Variants in METTL15 observed in about 807,000 individuals in gnomAD.
METTL15 encodes the protein methyltransferase 15, mitochondrial 12S rRNA N4-cytidine, also known as 12S rRNA N(4)-cytidine methyltransferase METTL15.
Under a neutral mutation model 38.3 loss-of-function variants are expected in METTL15, and 34 were observed. That is an observed-to-expected ratio of 0.89 (90% CI 0.68 to 1.18). METTL15 has a LOEUF of 1.18. Among genes scored for constraint, METTL15 ranks in the 50% most tolerant of loss-of-function variants. The pLI is 0.00. For synonymous variants in METTL15, 162 were observed against 170.9 expected (o/e 0.95, Z 0.41); for missense variants, 438 against 498.4 (o/e 0.88, Z 1.15).
intron 3 of METTL15, among the ~76,000 whole-genome samples, chr11:28,166,425 G>A (rs1267836848): frequency 6.6e-6 from 1 of 152,146 alleles, no homozygotes. Context: ...CACAAGAAAT[G>A]TCATGGTAAA....
In METTL15 at chr11:28,438,659, T is replaced by G. The variant is rs187681585; in HGVS notation, c.*424+14295T>G. Among the ~76,000 whole-genome samples the G allele has an allele frequency of 3.8e-3, 578 of 150,356 alleles. 2 individuals are homozygous for G. Among genetic ancestry groups the G allele is most frequent in the African/African-American group, 0.013 (539 of 40,904 alleles). On this transcript the variant is annotated intron_variant and NMD_transcript_variant, in intron 6 of 7. Transcript: ENST00000532947. ...GTCTATAGATCACGCTTTTTTTTTCTTTTTTCTTTTTTCTTTTTTTTTTTT... is the reference window on the plus strand; with the variant it reads ...GTCTATAGATCACGCTTTTTTTTTCGTTTTTCTTTTTTCTTTTTTTTTTTT...
intron 4 of METTL15, among the ~76,000 whole-genome samples, chr11:28,213,574 G>A (rs1303299773): frequency 6.7e-6 from 1 of 149,096 alleles, no homozygotes; most frequent in Non-Finnish European, 1.5e-5. Flanking sequence ...AAATTAGAAG[G>A]TAACTGACCC....
chr11:28,382,012 A>G (rs952063726), intron 5 of METTL15, among the ~76,000 whole-genome samples: 1 of 151,680 alleles, frequency 6.6e-6, no homozygotes, highest in African/African-American at 2.4e-5. Flanking sequence ...TTTTTATTGG[A>G]TATACTTGCT....
At chr11:28,301,929 G>C (rs1322854946) in intron 6 of METTL15, among the ~76,000 whole-genome samples, 1 of 151,910 alleles carries the variant, frequency 6.6e-6, no homozygotes, top group Non-Finnish European at 1.5e-5. Flanking sequence ...TTTTTTAAGT[G>C]ACAGGGTCTC....
At chr11:28,194,657 A>G (rs1033563817) in intron 3 of METTL15, among the ~76,000 whole-genome samples, 1 of 152,086 alleles carries the variant, frequency 6.6e-6, no homozygotes, top group Non-Finnish European at 1.5e-5. Flanking sequence ...AGATTATTTT[A>G]TTTTTAAATT....
intron 6 of METTL15, among the ~76,000 whole-genome samples, chr11:28,426,366 T>C (rs1850864146): frequency 6.6e-6 from 1 of 152,150 alleles, no homozygotes; most frequent in South Asian, 2.1e-4. Context: ...TTTGATTCCA[T>C]ATCTTTGCTA....
intron 4 of METTL15, among the ~76,000 whole-genome samples, chr11:28,276,716 G>T (rs1855855946): frequency 6.6e-6 from 1 of 152,016 alleles, no homozygotes; most frequent in Non-Finnish European, 1.5e-5. Flanking sequence ...GCCTGGTATT[G>T]GTATAAAAAT....
chr11:28,199,202 G>A (rs2133816905), intron 3 of METTL15, among the ~76,000 whole-genome samples: 1 of 152,152 alleles, frequency 6.6e-6, no homozygotes, highest in African/African-American at 2.4e-5. Flanking sequence ...ATGAATCAAT[G>A]TTTTTGATTA....
intron 4 of METTL15, among the ~76,000 whole-genome samples, chr11:28,236,454 G>T (rs1238902650): frequency 6.6e-6 from 1 of 152,074 alleles, no homozygotes; most frequent in African/African-American, 2.4e-5. Context: ...TTTTTGGTTG[G>T]TAAGCTATTG....
chr11:28,293,990 T>C (rs1856630610), intron 5 of METTL15, among the ~76,000 whole-genome samples: 1 of 152,214 alleles, frequency 6.6e-6, no homozygotes, highest in African/African-American at 2.4e-5. Context: ...TATACAATCA[T>C]GTCATCTGCA....
intron 6 of METTL15, among the ~76,000 whole-genome samples, chr11:28,505,293 A>C (rs962498221): frequency 4.6e-5 from 7 of 152,216 alleles, no homozygotes; most frequent in African/African-American, 1.7e-4. Flanking sequence ...ACTCACCAAC[A>C]AACTTTTCAG....
At chr11:28,405,825 G>A (rs1850668709) in intron 5 of METTL15, among the ~76,000 whole-genome samples, 1 of 152,062 alleles carries the variant, frequency 6.6e-6, no homozygotes, top group Non-Finnish European at 1.5e-5. Flanking sequence ...ATTTTATGAA[G>A]GATTATTGCT....
intron 6 of METTL15, among the ~76,000 whole-genome samples, chr11:28,311,778 C>G (rs564591975): frequency 3.3e-5 from 5 of 152,296 alleles, no homozygotes; most frequent in Non-Finnish European, 7.4e-5. Context: ...TTATTTTTAA[C>G]CTTTGTTGAA....
chr11:28,397,769 G>A (rs1339787242), intron 5 of METTL15, among the ~76,000 whole-genome samples: 1 of 152,028 alleles, frequency 6.6e-6, no homozygotes, highest in Non-Finnish European at 1.5e-5. Context: ...AAATCATGCT[G>A]CTATAAAGAC....
rs148868019 is a variant in METTL15 at position 28,438,966 on chromosome 11, C to T, written c.*424+14602C>T. Among the ~76,000 whole-genome samples, 57 of 151,716 alleles carry T rather than the reference C, an allele frequency of 3.8e-4. 1 individual carries two copies. Among genetic ancestry groups the T allele is most frequent in the East Asian group, 2.0e-4 (1 of 5,126 alleles). ...TGCTGGGATTACAAGCGTGAGCCAC[C>T]GCGCCCAGCCAGACCACATTTTTAA... is the stretch of plus-strand genomic sequence containing the variant. On this transcript the variant is annotated intron_variant and NMD_transcript_variant, in intron 6 of 7. Coordinates refer to the METTL15 transcript ENST00000532947.
intron 4 of METTL15, among the ~76,000 whole-genome samples, chr11:28,238,043 G>A (rs1202048474): frequency 1.3e-5 from 2 of 152,198 alleles, no homozygotes; most frequent in South Asian, 2.1e-4. Flanking sequence ...TAGGCTGCTC[G>A]GGGGTCAGGG....
chr11:28,199,528 C>T (rs1259858768), intron 3 of METTL15, among the ~76,000 whole-genome samples: 2 of 152,030 alleles, frequency 1.3e-5, no homozygotes, highest in East Asian at 1.9e-4. Flanking sequence ...AATTTTTTCT[C>T]TTCTGGAGTA....
intron 6 of METTL15, among the ~76,000 whole-genome samples, chr11:28,525,762 G>A (rs1851805098): frequency 6.6e-6 from 1 of 152,262 alleles, no homozygotes; most frequent in Admixed American, 6.5e-5. Flanking sequence ...CGGGGCCGCA[G>A]GTGGAGCTGC....
chr11:28,201,436 TA>T lies in METTL15; in HGVS notation c.271-9624del. Among the ~76,000 whole-genome samples the T allele has an allele frequency of 2.0e-5, 3 of 152,268 alleles. No homozygotes were observed. The Middle Eastern group carries it at 0.01, about 518-fold the overall frequency. ...GGAGTCCCAACTTTTCAATTGTTTA[TA>T]ATAGTTTCAGAAGGAATGGTACCAG... On this transcript the variant is annotated intron_variant, in intron 3 of 6. Coordinates refer to ENST00000407364, the MANE Select transcript of METTL15 (RefSeq NM_001113528.2).
Sources: allele counts gnomAD v4.1 joint callset (sites outside exome capture counted in the v4.1 genomes callset), GRCh38; gene constraint gnomAD v4.1.1; transcripts MANE v1.5; gene names NCBI Gene and HGNC (gene_info 2026-07-23, HGNC 2026-07-21).